Variants in STXBP6 observed in about 807,000 individuals in gnomAD.
STXBP6 encodes syntaxin binding protein 6.
Under a neutral mutation model 26.9 loss-of-function variants are expected in STXBP6, and 21 were observed. The ratio of observed to expected loss-of-function variants is 0.78; its 90% CI spans 0.55 to 1.12. The LOEUF (loss-of-function observed/expected upper bound fraction) is 1.12. Among genes scored for constraint, STXBP6 ranks in the 50% most tolerant of loss-of-function variants. STXBP6 has a pLI of 0.00. For synonymous variants in STXBP6, 97 were observed against 92.6 expected (o/e 1.05, Z -0.27); for missense variants, 232 against 257.9 (o/e 0.90, Z 0.69).
rs892046880 is a variant in STXBP6, at chr14:25,034,161, G to A, written c.-33+15717C>T. The stretch of plus-strand genomic sequence containing the variant: ...GCTTTTGATAAAGGTAGGGGAAGGA[G>A]GTACCGGTAATAATACCCAAACACT... On this transcript the variant is annotated intron_variant, in intron 1 of 5. Coordinates refer to ENST00000323944, the MANE Select transcript of STXBP6 (RefSeq NM_001394410.1). 8.5e-5 allele frequency among the ~76,000 whole-genome samples: 13 copies of A among 152,142 alleles called. No homozygotes were observed. The East Asian group carries it at 2.3e-3, about 27-fold the overall frequency.
At chr14:24,870,392 ATAAT>A (rs1022334025) in intron 2 of STXBP6, among the ~76,000 whole-genome samples, 1 of 152,172 alleles carries the variant, frequency 6.6e-6, no homozygotes, top group African/African-American at 2.4e-5. Flanking sequence ...CCAATTTGAC[ATAAT>A]TAAAGTTCAC....
intron 2 of STXBP6, among the ~76,000 whole-genome samples, chr14:24,872,289 T>C (rs1036416775): frequency 1.3e-5 from 2 of 152,204 alleles, no homozygotes; most frequent in African/African-American, 4.8e-5. Flanking sequence ...TATTTGTGCC[T>C]GGCAATGCAA....
intron 1 of STXBP6, among the ~76,000 whole-genome samples, chr14:24,985,619 G>C (rs1022160551): frequency 6.6e-6 from 1 of 152,170 alleles, no homozygotes; most frequent in Non-Finnish European, 1.5e-5. Context: ...AGCTTCTCCA[G>C]CAGCAATGCC....
chr14:25,039,768 G>A (rs1032864994), intron 1 of STXBP6, among the ~76,000 whole-genome samples: 4 of 151,028 alleles, frequency 2.6e-5, no homozygotes, highest in African/African-American at 7.3e-5. Context: ...GTGCAGTGGC[G>A]CGATGTCAGT....
intron 2 of STXBP6, among the ~76,000 whole-genome samples, chr14:24,960,480 A>G (rs982743053): frequency 1.3e-5 from 2 of 152,218 alleles, no homozygotes; most frequent in African/African-American, 4.8e-5. Context: ...TATATGAAAC[A>G]TGTAAGTTAG....
intron 2 of STXBP6, among the ~76,000 whole-genome samples, chr14:24,894,892 T>TC (rs1491305553): frequency 0.18 from 1,903 of 10,302 alleles, 15 homozygotes; most frequent in South Asian, 0.41. Flanking sequence ...TCTCTCTCTC[T>TC]TTTTTTTTTT....
intron 1 of STXBP6, among the ~76,000 whole-genome samples, chr14:25,047,843 TTAGAGG>T (rs2075749584): frequency 3.9e-5 from 6 of 152,198 alleles, no homozygotes; most frequent in African/African-American, 9.7e-5. Context: ...AAGGTCACTA[TTAGAGG>T]TCAAGTCAGA....
chr14:24,872,123 G>A (rs1566430810), intron 2 of STXBP6, among the ~76,000 whole-genome samples: 1 of 152,068 alleles, frequency 6.6e-6, no homozygotes, highest in Non-Finnish European at 1.5e-5. Flanking sequence ...AAATTCCCAC[G>A]AAGACTTACT....
intron 2 of STXBP6, among the ~76,000 whole-genome samples, chr14:24,875,112 C>T (rs74799215): frequency 4.6e-5 from 7 of 152,154 alleles, no homozygotes; most frequent in East Asian, 3.9e-4. Context: ...GAGGAAGCAT[C>T]GGAGAGAAAG....
At chr14:25,029,350 G>A (rs1847121542) in intron 1 of STXBP6, among the ~76,000 whole-genome samples, 2 of 152,152 alleles carry the variant, frequency 1.3e-5, no homozygotes, top group South Asian at 4.1e-4. Context: ...GTTGAGGCAA[G>A]ACCCTCGACC....
intron 1 of STXBP6, among the ~76,000 whole-genome samples, chr14:25,027,109 T>C (rs979049113): frequency 1.6e-4 from 24 of 152,224 alleles, no homozygotes; most frequent in African/African-American, 5.3e-4. Context: ...GCAGACCAAT[T>C]TGACTTGCTT....
At chr14:24,882,272 G>T (rs1360196347) in intron 2 of STXBP6, among the ~76,000 whole-genome samples, 2 of 146,842 alleles carry the variant, frequency 1.4e-5, no homozygotes, top group African/African-American at 2.5e-5. Flanking sequence ...CCAGCTACTT[G>T]GGAGGCTGAG....
At position 24,966,801 on chromosome 14, in the gene STXBP6, T is replaced by C. The variant is rs536276801; in HGVS notation, c.154+7864A>G. Among the ~76,000 whole-genome samples, 9 of 152,322 alleles carry C rather than the reference T, an allele frequency of 5.9e-5. No individual in the cohort carries two copies. In the South Asian group the frequency reaches 1.9e-3, roughly 32 times the overall value. ...TCTCCAAATTTCCCCAGGGAGTTCATTTGCTCTCTAAGAGTCAAATATATC... is the reference window on the plus strand; with the variant it reads ...TCTCCAAATTTCCCCAGGGAGTTCACTTGCTCTCTAAGAGTCAAATATATC... On this transcript the variant is annotated intron_variant, in intron 2 of 5. Coordinates refer to ENST00000323944, the MANE Select transcript of STXBP6 (RefSeq NM_001394410.1).
At chr14:24,850,489 C>T (rs1223586406) in intron 4 of STXBP6, among the ~76,000 whole-genome samples, 9 of 152,076 alleles carry the variant, frequency 5.9e-5, no homozygotes, top group Non-Finnish European at 1.2e-4. Flanking sequence ...TGTGAAAAAA[C>T]AATCTGCCAC....
intron 2 of STXBP6, among the ~76,000 whole-genome samples, chr14:24,899,803 A>ACC (rs1438038815): frequency 1.2e-5 from 1 of 80,090 alleles, no homozygotes; most frequent in East Asian, 3.4e-4. Context: ...AAAAAAAGCA[A>ACC]AAAAAAAAAA....
chr14:24,852,470 A>G (rs1274320001), intron 4 of STXBP6, among the ~76,000 whole-genome samples: 1 of 151,910 alleles, frequency 6.6e-6, no homozygotes, highest in Non-Finnish European at 1.5e-5. Context: ...CTAGATTCTG[A>G]CCCTTTTCAT....
chr14:24,911,209 T>C (rs1595094105), intron 2 of STXBP6, among the ~76,000 whole-genome samples: 1 of 151,918 alleles, frequency 6.6e-6, no homozygotes, highest in East Asian at 1.9e-4. Flanking sequence ...TACTGGCACA[T>C]ACCCATGGTC....
intron 4 of STXBP6, among the ~76,000 whole-genome samples, chr14:24,826,971 G>A (rs575036518): frequency 6.6e-6 from 1 of 152,320 alleles, no homozygotes; most frequent in African/African-American, 2.4e-5. Context: ...AGGCCAAGGT[G>A]GGTGGATCAC....
At chr14:25,048,754 GGCTCTGACTAGGGCGCA>G (rs2075762154) in intron 1 of STXBP6, among the ~76,000 whole-genome samples, 3 of 152,320 alleles carry the variant, frequency 2.0e-5, no homozygotes, top group South Asian at 2.1e-4. Context: ...CCCCCAGGGT[GGCTCTGACTAGGGCGCA>G]GCTCTGACTA....
Sources: gnomAD v4.1 joint callset for allele counts (sites outside exome capture counted in the v4.1 genomes callset) on GRCh38, gnomAD v4.1.1 for gene constraint, MANE v1.5 for transcripts, NCBI Gene and HGNC (gene_info 2026-07-23, HGNC 2026-07-21) for gene names.